The following KDM6A variants were observed in gnomAD, a reference collection of about 807,000 sequenced individuals.
KDM6A encodes the protein lysine-specific demethylase 6A.
KDM6A carries 11 observed loss-of-function variants against 117.6 expected under a neutral mutation model. The observed-to-expected ratio is 0.09, with a 90% CI of 0.06 to 0.15. The LOEUF is 0.15. Among genes scored for constraint, KDM6A ranks in the 10% least tolerant of loss-of-function variants. The probability of loss-of-function intolerance (pLI) is 1.00; values close to 1 mark genes in which losing one functional copy is unlikely to be tolerated. For synonymous variants in KDM6A, 384 were observed against 396.1 expected, an observed-to-expected ratio of 0.97 and a Z score of 0.36; for missense variants, 799 against 1,077.3, an observed-to-expected ratio of 0.74 and a Z score of 3.62.
intron 19 of KDM6A, among the ~76,000 whole-genome samples, chrX:45,077,976 A>G (rs1391906704): frequency 9.0e-6 from 1 of 111,722 alleles, no homozygotes; most frequent in Non-Finnish European, 1.9e-5. Flanking sequence ...TTCTGTTTCT[A>G]TAAATTTGAC....
Position 45,082,616 on chromosome X carries a change from A to C in KDM6A, c.3341A>C (p.Asp1114Ala), listed in dbSNP as rs755049882. The C allele has an allele frequency of 8.4e-7, 1 of 1,194,182 alleles. No individual in the cohort carries two copies. Among genetic ancestry groups the C allele is most frequent in the Admixed American group, 2.2e-5 (1 of 46,027 alleles). Reference protein sequence around the residue: ...EKRSHHKDHSDSESTSSDNSG... With the variant: ...EKRSHHKDHSASESTSSDNSG... ...AGAAGTCATCATAAAGACCACTCAG[A>C]TAGTGAATCTACATCGTCAGATAAG... Residue 1114 changes from aspartate (D) to alanine (A), a missense_variant, in exon 22 of 30, where the codon GAT becomes GCT. By Grantham distance (126) the Asp-to-Ala change is moderately radical. Around this residue, in one of 8 missense-constraint regions of KDM6A, gnomAD observed 291 missense variants for 437.9 expected, o/e 0.66. Coordinates refer to ENST00000611820, the MANE Select transcript of KDM6A (RefSeq NM_001291415.2).
chrX:44,942,657 T>G (rs1378687521), intron 2 of KDM6A, among the ~76,000 whole-genome samples: 2 of 109,524 alleles, frequency 1.8e-5, no homozygotes, highest in Non-Finnish European at 3.8e-5. Flanking sequence ...TATGATGGCC[T>G]TTATATCTCT....
chrX:44,985,994 G>A (rs879091671), intron 4 of KDM6A, among the ~76,000 whole-genome samples: 1 of 111,317 alleles, frequency 9.0e-6, no homozygotes, highest in Non-Finnish European at 1.9e-5. Flanking sequence ...GTACCAGCTC[G>A]TCCTTGTACC....
rs1340389910 is a variant in KDM6A at position 45,076,686 on chromosome X, T to G, written c.2859-11T>G. 8.8e-7 allele frequency: 1 copy of G among 1,133,477 alleles called. No individual in the cohort carries two copies. Among genetic ancestry groups the G allele is most frequent in the African/African-American group, 1.8e-5 (1 of 54,560 alleles). 93.4% of individuals were successfully genotyped at this position (1,133,477 alleles called of 1,213,427 possible). A position where few individuals can be genotyped will look rare whatever the true frequency, so the allele number is the denominator to read the frequency against. On this transcript the variant is annotated splice_polypyrimidine_tract_variant and intron_variant, in intron 18 of 29. Transcript: ENST00000611820. ...ATGTACAACTGATTATCCCTTTTTT[T>G]TTTTTTCCAGGAATCTAGGTAAAAA...
At chrX:44,887,960 A>T (rs2033028597) in intron 2 of KDM6A, among the ~76,000 whole-genome samples, 1 of 111,326 alleles carries the variant, frequency 9.0e-6, no homozygotes, top group African/African-American at 3.3e-5. Context: ...GTGCCAGTGC[A>T]CTCCAGCCTG....
intron 6 of KDM6A, among the ~76,000 whole-genome samples, chrX:45,025,746 A>G (rs931262460): frequency 1.5e-4 from 17 of 112,357 alleles, no homozygotes; most frequent in African/African-American, 5.5e-4. Context: ...ATGTTTACAT[A>G]TTTAAATATT....
intron 8 of KDM6A, among the ~76,000 whole-genome samples, chrX:45,040,500 A>AC (rs1483166227): frequency 7.3e-5 from 4 of 55,001 alleles, no homozygotes; most frequent in South Asian, 1.4e-3. Context: ...CGGGGGGCTG[A>AC]CCCCCCCACC....
chrX:44,962,768 G>A (rs1260074046), intron 3 of KDM6A, among the ~76,000 whole-genome samples: 1 of 111,794 alleles, frequency 8.9e-6, no homozygotes, highest in Non-Finnish European at 1.9e-5. Flanking sequence ...ACATACTTTA[G>A]TTAAAAAAAA....
chrX:45,016,315 C>G (rs1207939616), intron 5 of KDM6A, among the ~76,000 whole-genome samples: 1 of 111,245 alleles, frequency 9.0e-6, no homozygotes, highest in Non-Finnish European at 1.9e-5. Flanking sequence ...TGTGTTATAA[C>G]TAAATTAGAG....
intron 2 of KDM6A, among the ~76,000 whole-genome samples, chrX:44,954,942 A>G (rs1362011711): frequency 4.5e-5 from 5 of 111,280 alleles, no homozygotes; most frequent in African/African-American, 6.5e-5. Flanking sequence ...GAGAAGTGTT[A>G]GGGAAGACTT....
At chrX:45,079,067 C>T (rs950684608) in intron 20 of KDM6A, 79 bp from the exon 21 acceptor site, 1 of 856,825 alleles carries the variant, frequency 1.2e-6, no homozygotes, top group East Asian at 3.4e-5. Context: ...TTACCTTCTT[C>T]CTTTAAAAAA....
At chrX:44,906,580 T>A (rs1364508677) in intron 2 of KDM6A, among the ~76,000 whole-genome samples, 2 of 111,392 alleles carry the variant, frequency 1.8e-5, no homozygotes, top group Non-Finnish European at 1.9e-5. Context: ...AAAAAAAAAA[T>A]TCATTCATCT....
At chrX:45,068,940 C>T (rs1453173904) in intron 17 of KDM6A, among the ~76,000 whole-genome samples, 1 of 110,013 alleles carries the variant, frequency 9.1e-6, no homozygotes, top group Non-Finnish European at 1.9e-5. Flanking sequence ...AAACGATCCT[C>T]CTGCCTCGGC....
At chrX:44,875,704 T>C (rs1196656518) in intron 2 of KDM6A, among the ~76,000 whole-genome samples, 1 of 111,803 alleles carries the variant, frequency 8.9e-6, no homozygotes, top group African/African-American at 3.3e-5. Context: ...TTATTGTTGG[T>C]CTAACATGGG....
At chrX:44,973,320 T>C (rs1236146983) in intron 3 of KDM6A, among the ~76,000 whole-genome samples, 1 of 111,424 alleles carries the variant, frequency 9.0e-6, no homozygotes, top group Non-Finnish European at 1.9e-5. Flanking sequence ...GGTATTCCCA[T>C]GGCCTCTTGT....
intron 2 of KDM6A, among the ~76,000 whole-genome samples, chrX:44,911,231 G>A (rs1259075784): frequency 9.0e-6 from 1 of 111,426 alleles, no homozygotes; most frequent in Non-Finnish European, 1.9e-5. Flanking sequence ...CTTCCCGGAC[G>A]GGGCGGCTGC....
In KDM6A at chrX:45,060,042, A is replaced by G. The variant is rs374076172; in HGVS notation, c.1215A>G (p.Pro405=). ...CCTAGGCTCAGTTGTGTAACCTTCC[A>G]CAAGGTAGTCTACAGAATAAAACTA... The part of the protein sequence containing the change: ...KYLQAQLCNL[P]QGSLQNKTKL... Residue 405 remains proline (P), a synonymous_variant, in exon 13 of 30, where the codon CCA becomes CCG. Transcript: ENST00000611820. 2.5e-6 allele frequency: 3 copies of G among 1,208,904 alleles called. No homozygotes were observed. The highest frequency in any genetic ancestry group is 1.8e-5 in the South Asian group (1 of 56,459).
chrX:45,079,010 G>A, intron 20 of KDM6A, 136 bp from the exon 21 acceptor site: 1 of 524,081 alleles, frequency 1.9e-6, no homozygotes, highest in East Asian at 3.6e-5. Flanking sequence ...AGGTTGTGCA[G>A]AGGCCCTAGT....
rs113358239 is a variant in KDM6A at position 45,037,602 on chromosome X, C to T, written c.620-53C>T. The T allele has an allele frequency of 0.01, 10,426 of 1,032,446 alleles. 627 individuals carry two copies. In the African/African-American group the frequency reaches 0.17, roughly 17 times the overall value. 85.1% of individuals were successfully genotyped at this position (1,032,446 alleles called of 1,213,427 possible). ...CTTTGTTATTCTTACTTAATTTGCC[C>T]CAAATTCTGCTGTATTGTTACTGAT... On this transcript the variant is annotated intron_variant, in intron 7 of 29. Transcript: ENST00000611820.
Sources: gnomAD v4.1 joint callset for allele counts (sites outside exome capture counted in the v4.1 genomes callset) on GRCh38, gnomAD v4.1.1 for gene constraint, gnomAD v4.1.1 regional missense constraint, MANE v1.5 for transcripts, NCBI Gene and HGNC (gene_info 2026-07-23, HGNC 2026-07-21) for gene names.